The following IFNA13 variants were observed in gnomAD, a reference collection of about 807,000 sequenced individuals.
IFNA13 encodes the protein interferon alpha-13.
For missense variants in IFNA13, 166 were observed against 220.7 expected (o/e 0.75, Z 1.57); for synonymous variants, 61 against 86.3 (o/e 0.71, Z 1.62).
chr9:21,367,392 A>T (rs745962245), downstream of IFNA13: 2 of 1,606,286 alleles, frequency 1.2e-6, no homozygotes, highest in Admixed American at 3.5e-5. Context: ...TGAAAGCGTG[A>T]CCTGGTATAT....
At chr9:21,368,026 T>C in exon 1 of IFNA13, 1 of 1,612,622 alleles carries the variant, frequency 6.2e-7, no homozygotes. Context: ...TTGCAGATGC[T>C]TCTGGGCTTG....
In IFNA13 at chr9:21,367,429, G is replaced by C. The variant is rs750315648; in HGVS notation, c.*9C>G. 10 of 1,613,926 alleles carry C rather than the reference G, an allele frequency of 6.2e-6. No individual in the cohort carries two copies. The East Asian group carries it at 2.2e-4, about 36-fold the overall frequency. ...AGTCAATAAGAATTGTTTCATGTTG[G>C]ACCAGGTGTTATTCCTTCCTCCTTA... On this transcript the variant is annotated 3_prime_UTR_variant, in exon 1 of 1. Coordinates refer to ENST00000610660, the Ensembl canonical transcript of IFNA13.
chr9:21,368,047 T>G, exon 1 of IFNA13: 1 of 1,611,676 alleles, frequency 6.2e-7, no homozygotes, highest in East Asian at 2.2e-5. Flanking sequence ...CTGAGATGGG[T>G]GACTCTGAAC....
chr9:21,367,687 T>G, exon 1 of IFNA13: 1 of 1,468,950 alleles, frequency 6.8e-7, no homozygotes. Context: ...CGGTGCAGAA[T>G]TTGTCTAGGA....
chr9:21,367,533 A>T (rs753387456), exon 1 of IFNA13: 3 of 1,607,042 alleles, frequency 1.9e-6, no homozygotes, highest in Non-Finnish European at 2.5e-6. Context: ...CAAGGGCTGT[A>T]TTTCTTCTCT....
exon 1 of IFNA13, chr9:21,367,709 C>A (rs1314075565): frequency 4.9e-6 from 7 of 1,428,956 alleles, no homozygotes; most frequent in Non-Finnish European, 5.7e-6. Context: ...GTCCTCATCC[C>A]AAGCAGCAGA....
exon 1 of IFNA13, chr9:21,367,997 G>A (rs1231476359): frequency 6.8e-6 from 11 of 1,612,754 alleles, no homozygotes; most frequent in Non-Finnish European, 9.3e-6. Flanking sequence ...TAAAGCAAAG[G>A]GCGAGGCCAT....
chr9:21,368,003 G>C (rs771544344), exon 1 of IFNA13: 2 of 1,612,774 alleles, frequency 1.2e-6, no homozygotes, highest in African/African-American at 1.4e-5. Flanking sequence ...AAAGGGCGAG[G>C]CCATCATAGA....
exon 1 of IFNA13, chr9:21,367,457 C>T (rs747364684): frequency 6.8e-5 from 109 of 1,613,696 alleles, no homozygotes; most frequent in Non-Finnish European, 9.1e-5. Flanking sequence ...CCTCCTTAAT[C>T]TTTCTTGCAA....
chr9:21,367,441 T>TAAC, exon 1 of IFNA13: 1 of 1,614,028 alleles, frequency 6.2e-7, no homozygotes, highest in Non-Finnish European at 8.5e-7. Flanking sequence ...CCAGGTGTTA[T>TAAC]TCCTTCCTCC....
chr9:21,367,399 A>T (rs1755634), downstream of IFNA13: 5 of 1,612,296 alleles, frequency 3.1e-6, no homozygotes, highest in African/African-American at 1.3e-5. Flanking sequence ...GTGACCTGGT[A>T]TATGAGTCAA....
exon 1 of IFNA13, chr9:21,367,992 C>G (rs754865525): frequency 6.2e-7 from 1 of 1,613,100 alleles, no homozygotes; most frequent in Admixed American, 1.7e-5. Context: ...ATCAGTAAAG[C>G]AAAGGGCGAG....
At chr9:21,367,764 C>T (rs1385183422) in exon 1 of IFNA13, 1 of 1,500,000 alleles carries the variant, frequency 6.7e-7, no homozygotes, top group Admixed American at 1.9e-5. Flanking sequence ...TGGATCAGCT[C>T]ATGGAGGACA....
chr9:21,367,867 G>T (rs757392533), exon 1 of IFNA13: 2 of 1,609,214 alleles, frequency 1.2e-6, no homozygotes, highest in South Asian at 2.2e-5. Context: ...AGGAAGGAGA[G>T]ATTCTGCTCA....
chr9:21,367,729 T>A lies in IFNA13; in HGVS notation c.282A>T (p.Thr94=), dbSNP rs1260903878. ...CATCCCAAGCAGCAGATGAATCTTT[T>A]GTGGTAAAGAGGTTGAAGATCTGCT... The change falls in exon 1 of 1, where the codon ACA becomes ACT. Residue 94 remains threonine (T), a synonymous_variant. Transcript: ENST00000610660. 3.5e-6 allele frequency: 5 copies of A among 1,436,558 alleles called. No individual in the cohort carries two copies. The East Asian group carries it at 9.6e-5, about 27-fold the overall frequency. 89.0% of individuals were successfully genotyped at this position (1,436,558 alleles called of 1,614,324 possible).
rs1157814236 is a variant in IFNA13 at position 21,367,442 on chromosome 9, T to C, written c.569A>G (p.Glu190Gly). The stretch of plus-strand genomic sequence containing the variant: ...TGTTTCATGTTGGACCAGGTGTTAT[T>C]CCTTCCTCCTTAATCTTTCTTGCAA... Residue 190 changes from glutamate to glycine, a missense_variant, in exon 1 of 1, where the codon GAA becomes GGA. Physicochemically the swap from Glu to Gly is moderately conservative, Grantham distance 98. Coordinates refer to ENST00000610660, the Ensembl canonical transcript of IFNA13. 7.4e-6 allele frequency: 12 copies of C among 1,613,984 alleles called. No homozygotes were observed. The South Asian group carries it at 1.2e-4, about 16-fold the overall frequency.
chr9:21,367,548 G>C (rs1484496229), exon 1 of IFNA13: 4 of 1,608,630 alleles, frequency 2.5e-6, no homozygotes, highest in East Asian at 2.2e-5. Context: ...TTCTCTGTCA[G>C]ATAGAGAGTG....
exon 1 of IFNA13, chr9:21,367,718 G>A (rs773809179): frequency 7.3e-5 from 104 of 1,429,842 alleles, no homozygotes; most frequent in Non-Finnish European, 9.3e-5. Flanking sequence ...CCAAGCAGCA[G>A]ATGAATCTTT....
chr9:21,368,000 G>A (rs747627050), exon 1 of IFNA13: 9 of 1,612,732 alleles, frequency 5.6e-6, no homozygotes, highest in African/African-American at 1.4e-5. Flanking sequence ...AGCAAAGGGC[G>A]AGGCCATCAT....
Sources: gnomAD v4.1 joint callset for allele counts on GRCh38, gnomAD v4.1.1 for gene constraint, MANE v1.5 for transcripts, NCBI Gene and HGNC (gene_info 2026-07-23, HGNC 2026-07-21) for gene names.